The following RYR3 variants were observed in gnomAD, a reference collection of about 807,000 sequenced individuals.
RYR3 encodes brain ryanodine receptor-calcium release channel.
Under a neutral mutation model 584.3 loss-of-function variants are expected in RYR3, and 207 were observed. The ratio of observed to expected loss-of-function variants is 0.35; its 90% CI spans 0.32 to 0.40. RYR3 has a LOEUF of 0.40. Ranked by LOEUF, RYR3 falls within the 10% of genes least tolerant of loss-of-function variation. The probability of loss-of-function intolerance (pLI) is 1.00; values close to 1 mark genes in which losing one functional copy is unlikely to be tolerated. For missense variants in RYR3, 5,616 were observed against 6,089.2 expected, an observed-to-expected ratio of 0.92 and a Z score of 2.59; for synonymous variants, 2,416 against 2,248.5, an observed-to-expected ratio of 1.07 and a Z score of -2.11.
chr15:33,573,728 G>C (rs1347790041), intron 12 of RYR3, among the ~76,000 whole-genome samples: 1 of 152,212 alleles, frequency 6.6e-6, no homozygotes, highest in Non-Finnish European at 1.5e-5. Context: ...AGTTGAAGAA[G>C]GTGGGAAGGG....
At chr15:33,646,875 A>G (rs1448932655) in intron 29 of RYR3, among the ~76,000 whole-genome samples, 3 of 152,148 alleles carry the variant, frequency 2.0e-5, no homozygotes, top group African/African-American at 2.4e-5. Context: ...GTGCAATTAG[A>G]AGTTTCTGGA....
At chr15:33,691,466 T>G (rs2065424701) in intron 38 of RYR3, among the ~76,000 whole-genome samples, 1 of 152,230 alleles carries the variant, frequency 6.6e-6, no homozygotes, top group Non-Finnish European at 1.5e-5. Flanking sequence ...TCAAATTTCA[T>G]TATTGGCAAC....
chr15:33,571,049 T>A (rs946553846), intron 12 of RYR3, among the ~76,000 whole-genome samples: 1 of 152,096 alleles, frequency 6.6e-6, no homozygotes, highest in Non-Finnish European at 1.5e-5. Context: ...CCAATAGGGA[T>A]GCCCTTTATT....
chr15:33,430,884 C>A (rs1415754767), intron 1 of RYR3, among the ~76,000 whole-genome samples: 1 of 151,618 alleles, frequency 6.6e-6, no homozygotes, highest in East Asian at 1.9e-4. Context: ...AAGAGTGGGT[C>A]CCTGCTCTGT....
chr15:33,551,510 C>G (rs372249151), intron 10 of RYR3, among the ~76,000 whole-genome samples: 2 of 152,148 alleles, frequency 1.3e-5, no homozygotes, highest in Non-Finnish European at 2.9e-5. Context: ...TCATTTTGTG[C>G]TCCTGTGGTC....
intron 20 of RYR3, among the ~76,000 whole-genome samples, chr15:33,625,560 C>T (rs1199282456): frequency 3.3e-5 from 5 of 152,038 alleles, no homozygotes; most frequent in African/African-American, 9.7e-5. Flanking sequence ...GTGAATTAAG[C>T]TCATATGGAC....
intron 2 of RYR3, among the ~76,000 whole-genome samples, chr15:33,485,964 G>C (rs1254031055): frequency 1.3e-5 from 2 of 152,190 alleles, no homozygotes; most frequent in Non-Finnish European, 2.9e-5. Context: ...AGTTTAATGA[G>C]TGAGCGAGCA....
chr15:33,441,444 T>G (rs909400715), intron 1 of RYR3, among the ~76,000 whole-genome samples: 1 of 152,222 alleles, frequency 6.6e-6, no homozygotes. Context: ...CGTGACAGCC[T>G]AATGACATAG....
intron 16 of RYR3, among the ~76,000 whole-genome samples, chr15:33,592,603 G>A (rs1256832666): frequency 1.3e-5 from 2 of 152,180 alleles, no homozygotes; most frequent in East Asian, 3.9e-4. Context: ...TAAAGCCTTT[G>A]TATGTTCAGA....
chr15:33,362,321 G>A (rs2141016546), intron 1 of RYR3, among the ~76,000 whole-genome samples: 1 of 152,240 alleles, frequency 6.6e-6, no homozygotes, highest in Non-Finnish European at 1.5e-5. Flanking sequence ...GTTGTGGGGA[G>A]AATTAAATGA....
At chr15:33,618,804 AC>A (rs1489732740) in intron 19 of RYR3, among the ~76,000 whole-genome samples, 2 of 152,114 alleles carry the variant, frequency 1.3e-5, no homozygotes, top group Non-Finnish European at 2.9e-5. Flanking sequence ...AAAGTTAGTC[AC>A]CCCCTTTGAG....
rs754233114 is a variant in RYR3 at position 33,696,394 on chromosome 15, G to A, written c.6037G>A (p.Asp2013Asn). 6 of 1,613,762 alleles carry A rather than the reference G, an allele frequency of 3.7e-6. No homozygotes were observed. The highest frequency in any genetic ancestry group is 2.2e-5 in the East Asian group (1 of 44,876). The change falls in exon 39 of 104, where the codon GAC becomes AAC. Residue 2013 changes from aspartate to asparagine, a missense_variant. Coordinates refer to ENST00000634891, the MANE Select transcript of RYR3 (RefSeq NM_001036.6). Reference sequence around the variant, plus strand: ...CACCATCAGCCACACCTCTGTAAGCGACACCATCAACCTGCTGGCTGCCCT... The same window carrying A: ...CACCATCAGCCACACCTCTGTAAGCAACACCATCAACCTGCTGGCTGCCCT... ...TYTISHTSVS[D>N]TINLLAALGQ...
At chr15:33,312,912 A>C (rs1349661152) in intron 1 of RYR3, among the ~76,000 whole-genome samples, 1 of 152,144 alleles carries the variant, frequency 6.6e-6, no homozygotes, top group South Asian at 2.1e-4. Context: ...TTACTATAGT[A>C]GTGGTTCTTA....
chr15:33,484,630 G>A lies in RYR3; in HGVS notation c.171+11092G>A, dbSNP rs569140904. On this transcript the variant is annotated intron_variant, in intron 2 of 103. Transcript: ENST00000634891. Reference sequence around the variant, plus strand: ...TGGATTACATTGAATTCAGGTATGGGTAACAATTCATGGAGTGGCAAAGGG... The same window carrying A: ...TGGATTACATTGAATTCAGGTATGGATAACAATTCATGGAGTGGCAAAGGG... Among the ~76,000 whole-genome samples the A allele has an allele frequency of 3.4e-5, 4 of 118,266 alleles. No individual in the cohort carries two copies. The East Asian group carries it at 1.1e-3, about 32-fold the overall frequency. 77.6% of individuals were successfully genotyped at this position (118,266 alleles called of 152,430 possible). A position where few individuals can be genotyped will look rare whatever the true frequency, so the allele number is the denominator to read the frequency against.
chr15:33,391,683 A>G (rs2042009245), intron 1 of RYR3, among the ~76,000 whole-genome samples: 1 of 152,156 alleles, frequency 6.6e-6, no homozygotes, highest in Admixed American at 6.5e-5. Context: ...CGAATAAATA[A>G]ATCATTAGCT....
chr15:33,383,548 G>A (rs1270779389), intron 1 of RYR3, among the ~76,000 whole-genome samples: 1 of 151,790 alleles, frequency 6.6e-6, no homozygotes. Flanking sequence ...TCTCTACTTG[G>A]TGTGACCATT....
At chr15:33,646,142 T>C (rs17236385) in intron 28 of RYR3, 55,354 of 462,780 alleles carry the variant, frequency 0.12, 3,986 homozygotes, top group South Asian at 0.16. Flanking sequence ...TTTTTAAATC[T>C]CTAATTTCCC....
At chr15:33,405,367 T>A (rs12440407) in intron 1 of RYR3, among the ~76,000 whole-genome samples, 65,884 of 151,928 alleles carry the variant, frequency 0.43, 15,648 homozygotes, top group South Asian at 0.61. Flanking sequence ...GTCCCCTCTC[T>A]AGGGATTTTC....
chr15:33,546,433 G>A (rs1567502153), intron 8 of RYR3, among the ~76,000 whole-genome samples: 1 of 152,138 alleles, frequency 6.6e-6, no homozygotes, highest in African/African-American at 2.4e-5. Context: ...AGCAACGTCA[G>A]ATTTTCTTCC....
Sources: allele counts gnomAD v4.1 joint callset (sites outside exome capture counted in the v4.1 genomes callset), GRCh38; gene constraint gnomAD v4.1.1; transcripts MANE v1.5; gene names NCBI Gene and HGNC (gene_info 2026-07-23, HGNC 2026-07-21).